NEK1: variants seen among roughly 807,000 people sequenced by gnomAD.
NEK1 encodes serine/threonine-protein kinase Nek1.
In NEK1, 137 loss-of-function variants were observed where a neutral mutation model predicts 182.1. That is an observed-to-expected ratio of 0.75 (90% CI 0.65 to 0.87). NEK1 has a LOEUF of 0.87. NEK1 is among the 40% of genes least tolerant of loss of function. The pLI is 0.00. For synonymous variants in NEK1, 513 were observed against 492.2 expected, an observed-to-expected ratio of 1.04 and a Z score of -0.56; for missense variants, 1,391 against 1,494.4, an observed-to-expected ratio of 0.93 and a Z score of 1.14.
chr4:169,441,094 C>G (rs1401572693), intron 27 of NEK1, among the ~76,000 whole-genome samples: 1 of 152,182 alleles, frequency 6.6e-6, no homozygotes, highest in African/African-American at 2.4e-5. Context: ...ACATACAGTC[C>G]TACACCACAG....
chr4:169,435,480 G>C (rs1022885148), intron 28 of NEK1, among the ~76,000 whole-genome samples: 4 of 152,150 alleles, frequency 2.6e-5, no homozygotes, highest in African/African-American at 9.7e-5. Context: ...GTGAATTAAG[G>C]ATGGTCACAT....
At chr4:169,479,602 T>G in intron 23 of NEK1, 68 bp from the exon 24 acceptor site, 26 of 1,227,686 alleles carry the variant, frequency 2.1e-5, no homozygotes, top group Non-Finnish European at 2.9e-5. Flanking sequence ...AAATGGTACC[T>G]ACCAGATCAC....
intron 27 of NEK1, among the ~76,000 whole-genome samples, chr4:169,447,484 G>A (rs1008180132): frequency 3.3e-5 from 5 of 152,168 alleles, no homozygotes; most frequent in Admixed American, 1.3e-4. Context: ...AAATTCACCA[G>A]TAATAGTAAG....
chr4:169,533,591 G>A (rs1470249496), intron 19 of NEK1, among the ~76,000 whole-genome samples: 2 of 152,156 alleles, frequency 1.3e-5, no homozygotes, highest in South Asian at 2.1e-4. Context: ...AAACTAATTA[G>A]AATTCATGGA....
At chr4:169,471,484 C>A (rs1429287245) in intron 26 of NEK1, among the ~76,000 whole-genome samples, 1 of 152,160 alleles carries the variant, frequency 6.6e-6, no homozygotes, top group Non-Finnish European at 1.5e-5. Context: ...GCTGCCTGAT[C>A]CTTCCTCTGG....
chr4:169,430,786 T>C (rs931418183), intron 29 of NEK1, among the ~76,000 whole-genome samples: 1 of 152,016 alleles, frequency 6.6e-6, no homozygotes, highest in Admixed American at 6.6e-5. Flanking sequence ...TCATCAGTTG[T>C]AACAAATGAA....
intron 27 of NEK1, among the ~76,000 whole-genome samples, chr4:169,443,092 T>TATCTA: frequency 6.6e-6 from 1 of 150,616 alleles, no homozygotes; most frequent in South Asian, 2.1e-4. Flanking sequence ...TCTATCTATC[T>TATCTA]ATCTATCTAT....
intron 7 of NEK1, among the ~76,000 whole-genome samples, chr4:169,588,952 T>C (rs185134894): frequency 6.6e-6 from 1 of 152,166 alleles, no homozygotes; most frequent in African/African-American, 2.4e-5. Flanking sequence ...AAGTGTACAG[T>C]GTTTATAAAC....
At chr4:169,538,426 A>G (rs1318454937) in intron 18 of NEK1, among the ~76,000 whole-genome samples, 1 of 151,938 alleles carries the variant, frequency 6.6e-6, no homozygotes, top group East Asian at 1.9e-4. Context: ...AGTAAAGTGG[A>G]TAGATTAGGG....
chr4:169,460,238 G>A (rs982291998), intron 27 of NEK1, among the ~76,000 whole-genome samples: 5 of 151,744 alleles, frequency 3.3e-5, no homozygotes, highest in South Asian at 2.1e-4. Flanking sequence ...AAAAGAAAGC[G>A]GTACAACTGA....
intron 12 of NEK1, among the ~76,000 whole-genome samples, chr4:169,569,736 C>T (rs1217982170): frequency 1.3e-5 from 2 of 152,092 alleles, no homozygotes; most frequent in South Asian, 2.1e-4. Context: ...GCGAGTGATC[C>T]GCCAGCCTCG....
At chr4:169,582,706 T>A (rs1412286014) in intron 10 of NEK1, among the ~76,000 whole-genome samples, 1 of 152,186 alleles carries the variant, frequency 6.6e-6, no homozygotes, top group East Asian at 1.9e-4. Context: ...AAGAAGATCC[T>A]GAAAACCCTA....
intron 28 of NEK1, among the ~76,000 whole-genome samples, chr4:169,434,467 C>T (rs551410976): frequency 1.3e-5 from 2 of 152,242 alleles, no homozygotes; most frequent in Admixed American, 1.3e-4. Flanking sequence ...CCTGCCTCAG[C>T]CTCTCAATGT....
chr4:169,532,471 T>C (rs1254156684), intron 19 of NEK1, among the ~76,000 whole-genome samples: 2 of 152,150 alleles, frequency 1.3e-5, no homozygotes, highest in Non-Finnish European at 2.9e-5. Flanking sequence ...CTATGGACTT[T>C]GAGTGATAAT....
At chr4:169,499,720 T>G (rs1752061174) in intron 23 of NEK1, among the ~76,000 whole-genome samples, 1 of 152,184 alleles carries the variant, frequency 6.6e-6, no homozygotes, top group Non-Finnish European at 1.5e-5. Flanking sequence ...CAGTGGATAT[T>G]GGTGAACAGC....
Position 169,585,453 on chromosome 4 carries a change from C to G in NEK1, c.703G>C (p.Val235Leu). ...GGATTTCTTTTAAATAACTGAGACA[C>G]CAAACTGCGGAGATCATAGGAATAA... ...LHYSYDLRSL[V>L]SQLFKRNPRD... The change falls in exon 10 of 36, where the codon GTG becomes CTG. Residue 235 changes from valine (V) to leucine (L), a missense_variant. Physicochemically the swap from Val to Leu is conservative, Grantham distance 32. Around this residue, in one of 5 missense-constraint regions of NEK1, gnomAD observed 1,216 missense variants for 1,277.6 expected, o/e 0.95. Transcript: ENST00000507142. The G allele has an allele frequency of 6.2e-7, 1 of 1,613,416 alleles. No homozygotes were observed. The highest frequency in any genetic ancestry group is 8.5e-7 in the Non-Finnish European group (1 of 1,179,488).
chr4:169,437,120 G>C (rs1423427158), intron 28 of NEK1, among the ~76,000 whole-genome samples: 1 of 152,152 alleles, frequency 6.6e-6, no homozygotes, highest in African/African-American at 2.4e-5. Context: ...GAATTTCTAG[G>C]GACCAATGAC....
At chr4:169,432,433 C>A (rs1177556580) in intron 29 of NEK1, among the ~76,000 whole-genome samples, 1 of 152,122 alleles carries the variant, frequency 6.6e-6, no homozygotes, top group Non-Finnish European at 1.5e-5. Context: ...AAAAGTTATT[C>A]ATTGCAGCAT....
At chr4:169,605,084 A>G (rs1220413409) in intron 2 of NEK1, among the ~76,000 whole-genome samples, 1 of 152,232 alleles carries the variant, frequency 6.6e-6, no homozygotes, top group East Asian at 1.9e-4. Flanking sequence ...TTCAAAAATT[A>G]AATTAAATAA....
Sources: gnomAD v4.1 joint callset for allele counts (sites outside exome capture counted in the v4.1 genomes callset) on GRCh38, gnomAD v4.1.1 for gene constraint, gnomAD v4.1.1 regional missense constraint, MANE v1.5 for transcripts, NCBI Gene and HGNC (gene_info 2026-07-23, HGNC 2026-07-21) for gene names.